Variants in SMC3 observed in about 807,000 individuals in gnomAD.
SMC3 encodes the protein structural maintenance of chromosomes protein 3.
Under a neutral mutation model 171.8 loss-of-function variants are expected in SMC3, and 20 were observed. The observed-to-expected ratio is 0.12, with a 90% CI of 0.08 to 0.17. The LOEUF (loss-of-function observed/expected upper bound fraction) is 0.17, where lower values mean the gene tolerates loss of function less well. Among genes scored for constraint, SMC3 ranks in the 10% least tolerant of loss-of-function variants. The probability of loss-of-function intolerance (pLI) is 1.00; values close to 1 mark genes in which losing one functional copy is unlikely to be tolerated. For missense variants in SMC3, 543 were observed against 1,420.4 expected, an observed-to-expected ratio of 0.38 and a Z score of 9.93; for synonymous variants, 464 against 451.1, an observed-to-expected ratio of 1.03 and a Z score of -0.36.
rs949989698 is a variant in SMC3, at chr10:110,583,628, G to A, written c.969+80G>A. On this transcript the variant is annotated intron_variant, in intron 11 of 28. Coordinates refer to ENST00000361804, the MANE Select transcript of SMC3 (RefSeq NM_005445.4). ...TAGAAGACAGCCCTTTCTGTGACTG[G>A]TGTGTGTTGGAATTTTTTTTTAAGC... is the stretch of plus-strand genomic sequence containing the variant. 152 of 1,469,330 alleles carry A rather than the reference G, an allele frequency of 1.0e-4. 1 individual carries two copies. The African/African-American group carries it at 2.0e-3, about 19-fold the overall frequency. The allele number at this position is 1,469,330 out of a possible 1,614,324, so 91.0% of individuals were successfully genotyped here.
chr10:110,591,322 T>G (rs1479813368), intron 17 of SMC3, among the ~76,000 whole-genome samples, 190 bp downstream of exon 17: 6 of 152,124 alleles, frequency 3.9e-5, no homozygotes, highest in African/African-American at 1.4e-4. Flanking sequence ...CAGCTATGAT[T>G]GGTGTGGTGA....
intron 13 of SMC3, among the ~76,000 whole-genome samples, chr10:110,585,779 T>A: frequency 6.6e-6 from 1 of 151,684 alleles, no homozygotes; most frequent in African/African-American, 2.4e-5. Context: ...TAATTGTATA[T>A]TATATATAAT....
At position 110,577,850 on chromosome 10, in the gene SMC3, G is replaced by A. The variant is rs769145720; in HGVS notation, c.286G>A (p.Val96Ile). 6.2e-7 allele frequency: 1 copy of A among 1,611,050 alleles called. No individual in the cohort carries two copies. Among genetic ancestry groups the A allele is most frequent in the Non-Finnish European group, 8.5e-7 (1 of 1,177,422 alleles). ...DNRLPIDKEEVSLRRVIGAKK... is the reference protein window; with the variant it reads ...DNRLPIDKEEISLRRVIGAKK... ...TTTTTCTTAGATCGATAAAGAGGAAGTTTCACTTCGAAGAGTTATTGGTGC... is the reference window on the plus strand; with the variant it reads ...TTTTTCTTAGATCGATAAAGAGGAAATTTCACTTCGAAGAGTTATTGGTGC... The change falls in exon 6 of 29, where the codon GTT becomes ATT. Residue 96 changes from valine to isoleucine, a missense_variant. Physicochemically the swap from Val to Ile is conservative, Grantham distance 29. Coordinates refer to ENST00000361804, the MANE Select transcript of SMC3 (RefSeq NM_005445.4).
chr10:110,584,826 T>C (rs1288008448), intron 13 of SMC3, among the ~76,000 whole-genome samples: 1 of 152,158 alleles, frequency 6.6e-6, no homozygotes, highest in East Asian at 1.9e-4. Flanking sequence ...GGTCTTGCCA[T>C]GTAGCCTAGG....
chr10:110,579,487 T>C (rs1326798716), intron 7 of SMC3, among the ~76,000 whole-genome samples: 1 of 152,204 alleles, frequency 6.6e-6, no homozygotes, highest in African/African-American at 2.4e-5. Flanking sequence ...CATTTCAGTT[T>C]CTGCCCGTAT....
At chr10:110,579,347 ATG>A (rs1374925472) in intron 7 of SMC3, among the ~76,000 whole-genome samples, 1 of 152,212 alleles carries the variant, frequency 6.6e-6, no homozygotes, top group Non-Finnish European at 1.5e-5. Context: ...GTTTTAGAAA[ATG>A]TGTTACTGGA....
chr10:110,603,282 A>C lies in SMC3; in HGVS notation c.3574A>C (p.Arg1192=). 6.3e-7 allele frequency: 1 copy of C among 1,575,016 alleles called. No individual in the cohort carries two copies. The highest frequency in any genetic ancestry group is 2.2e-5 in the East Asian group (1 of 44,672). The change falls in exon 28 of 29, where the codon AGA becomes CGA. Residue 1192 remains arginine (R), a synonymous_variant. Coordinates refer to ENST00000361804, the MANE Select transcript of SMC3 (RefSeq NM_005445.4). The stretch of plus-strand genomic sequence containing the variant: ...TGACAAATTCTATGGTGTAAAGTTC[A>C]GAAATAAGGTAATTTTATTTTACAT... ...SADKFYGVKF[R]NKVSHIDVIT... is the part of the protein sequence containing the mutation.
intron 19 of SMC3, among the ~76,000 whole-genome samples, 156 bp from the exon 20 acceptor site, chr10:110,597,983 A>T (rs1861327677): frequency 6.6e-6 from 1 of 152,178 alleles, no homozygotes; most frequent in Non-Finnish European, 1.5e-5. Context: ...CATTTTGGGT[A>T]ATATAGTTCA....
At position 110,585,851 on chromosome 10, in the gene SMC3, G is replaced by A. The variant is rs547994314; in HGVS notation, c.1305+1455G>A. Among the ~76,000 whole-genome samples the A allele has an allele frequency of 1.1e-4, 17 of 152,010 alleles. No individual in the cohort carries two copies. The East Asian group carries it at 3.3e-3, about 29-fold the overall frequency. ...GTTGCTCTGTCGCCCAGGCTGGAGT[G>A]CAGTGGCGCGATCTCGGCTCACTGC... On this transcript the variant is annotated intron_variant, in intron 13 of 28. Transcript: ENST00000361804.
At chr10:110,581,852 G>A in intron 8 of SMC3, 71 bp from the exon 9 acceptor site, 1 of 1,202,568 alleles carries the variant, frequency 8.3e-7, no homozygotes, top group South Asian at 1.2e-5. Flanking sequence ...TTAATTCAAG[G>A]TATATTTAAG....
chr10:110,571,248 A>G (rs918640791), intron 2 of SMC3, among the ~76,000 whole-genome samples: 3 of 152,228 alleles, frequency 2.0e-5, no homozygotes, highest in African/African-American at 7.2e-5. Context: ...GTTTCCTAGA[A>G]AACAGCACAG....
At chr10:110,568,035 A>C (rs1860801881) in intron 1 of SMC3, among the ~76,000 whole-genome samples, 1 of 152,172 alleles carries the variant, frequency 6.6e-6, no homozygotes, top group Non-Finnish European at 1.5e-5. Flanking sequence ...ACTCCTTTGC[A>C]GCCCCGGCCT....
Position 110,598,470 on chromosome 10 carries a change from G to A in SMC3, c.2268+180G>A, listed in dbSNP as rs12413273. Among the ~76,000 whole-genome samples the A allele has an allele frequency of 0.12, 17,673 of 151,684 alleles. 1,208 individuals carry two copies. Among genetic ancestry groups the A allele is most frequent in the East Asian group, 0.26 (1,341 of 5,138 alleles). On this transcript the variant is annotated intron_variant, in intron 20 of 28. Transcript: ENST00000361804. ...CACCCAGGCTGGAGTGCAGTGGTGC[G>A]TTCTCAGCTCACTGCAGCCTCCACC...
At chr10:110,596,668 G>C in intron 19 of SMC3, 118 bp downstream of exon 19, 1 of 945,378 alleles carries the variant, frequency 1.1e-6, no homozygotes, top group African/African-American at 1.7e-5. Context: ...TTAAGTTCAA[G>C]AGCTTATGTT....
At chr10:110,587,631 A>G (rs1861142201) in intron 13 of SMC3, among the ~76,000 whole-genome samples, 1 of 151,654 alleles carries the variant, frequency 6.6e-6, no homozygotes, top group Non-Finnish European at 1.5e-5. Context: ...GCTTGCAGTG[A>G]GCCAAGATTG....
At chr10:110,583,685 A>G (rs1240208751) in intron 11 of SMC3, 137 bp downstream of exon 11, 1 of 1,196,640 alleles carries the variant, frequency 8.4e-7, no homozygotes, top group African/African-American at 1.5e-5. Context: ...GTACTCAAGT[A>G]ACAACTTGGT....
chr10:110,592,955 G>T (rs182321966), intron 17 of SMC3, 118 bp from the exon 18 acceptor site: 36 of 894,604 alleles, frequency 4.0e-5, no homozygotes, highest in Admixed American at 2.2e-4. Flanking sequence ...AACGCCAATC[G>T]TTTTGAAATA....
Position 110,591,141 on chromosome 10 carries a change from T to C in SMC3, c.1812+9T>C. ...CCTATCCTGAAACCAATGTGAGTCA[T>C]TGTGTGATAAGGTGTATTTCTCTTT... On this transcript the variant is annotated intron_variant, in intron 17 of 28. Coordinates refer to ENST00000361804, the MANE Select transcript of SMC3 (RefSeq NM_005445.4). The C allele has an allele frequency of 6.2e-7, 1 of 1,612,856 alleles. No homozygotes were observed. The highest frequency in any genetic ancestry group is 1.1e-5 in the South Asian group (1 of 91,044).
intron 4 of SMC3, 140 bp from the exon 5 acceptor site, chr10:110,577,281 T>C (rs567575830): frequency 9.1e-6 from 6 of 657,938 alleles, no homozygotes; most frequent in Middle Eastern, 2.7e-4. Flanking sequence ...GTTAGATTAG[T>C]GTGTGTGTGT....
Sources: allele counts gnomAD v4.1 joint callset (sites outside exome capture counted in the v4.1 genomes callset), GRCh38; gene constraint gnomAD v4.1.1; transcripts MANE v1.5; gene names NCBI Gene and HGNC (gene_info 2026-07-23, HGNC 2026-07-21).